DNAJC10: variants seen among roughly 807,000 people sequenced by gnomAD.
DNAJC10 encodes the protein DnaJ heat shock protein family (Hsp40) member C10, also known as endoplasmic reticulum disulfide reductase DNAJC10.
DNAJC10 carries 101 observed loss-of-function variants against 115.0 expected under a neutral mutation model. That is an observed-to-expected ratio of 0.88 (90% CI 0.75 to 1.04). The LOEUF (loss-of-function observed/expected upper bound fraction) is 1.04, where lower values mean the gene tolerates loss of function less well. DNAJC10 is among the 50% of genes least tolerant of loss of function. The pLI, the probability that DNAJC10 is intolerant of heterozygous loss-of-function variation, is 0.00. For synonymous variants in DNAJC10, 307 were observed against 301.5 expected (o/e 1.02, Z -0.19); for missense variants, 981 against 928.8 (o/e 1.06, Z -0.73).
At chr2:182,736,626 T>C (rs1693591148) in intron 11 of DNAJC10, among the ~76,000 whole-genome samples, 1 of 152,262 alleles carries the variant, frequency 6.6e-6, no homozygotes, top group East Asian at 1.9e-4. Context: ...ATTACATCTT[T>C]ACATTTAAAA....
intron 5 of DNAJC10, among the ~76,000 whole-genome samples, chr2:182,727,605 G>T (rs532834398): frequency 6.6e-6 from 1 of 152,156 alleles, no homozygotes; most frequent in Non-Finnish European, 1.5e-5. Context: ...TTTCCCACAG[G>T]TCTGTCTTAT....
rs1694968656 is a variant in DNAJC10, at chr2:182,787,476, T to G, written c.*10344T>G. The stretch of plus-strand genomic sequence containing the variant: ...AACCGTTCATTCATTATGACAAAAC[T>G]GCCTACCAAAGCCACAGACTTTAAG... On this transcript the variant is annotated 3_prime_UTR_variant, in exon 24 of 24. Coordinates refer to ENST00000264065, the MANE Select transcript of DNAJC10 (RefSeq NM_018981.4). 6.6e-6 allele frequency: 1 copy of G among 152,206 alleles called. No individual in the cohort carries two copies. Among genetic ancestry groups the G allele is most frequent in the Admixed American group, 6.6e-5 (1 of 15,266 alleles). 9.4% of individuals were successfully genotyped at this position (152,206 alleles called of 1,614,324 possible).
In DNAJC10 at chr2:182,722,058, T is replaced by C. The variant is rs1432595853; in HGVS notation, c.401T>C (p.Leu134Ser). The C allele has an allele frequency of 1.9e-6, 3 of 1,565,650 alleles. No individual in the cohort carries two copies. Among genetic ancestry groups the C allele is most frequent in the Non-Finnish European group, 2.6e-6 (3 of 1,152,478 alleles). ...GATGATGATCCTGAAATCATAACAT[T>C]GGAAAGAAGAGAATTTGGTAAGTTT... is the stretch of plus-strand genomic sequence containing the variant. Reference protein sequence around the residue: ...IYDDDPEIITLERREFDAAVN... With the variant: ...IYDDDPEIITSERREFDAAVN... Residue 134 changes from leucine to serine, a missense_variant, in exon 5 of 24, where the codon TTG becomes TCG. Transcript: ENST00000264065.
At chr2:182,769,233 C>T (rs1694497387) in intron 22 of DNAJC10, among the ~76,000 whole-genome samples, 1 of 152,094 alleles carries the variant, frequency 6.6e-6, no homozygotes, top group Non-Finnish European at 1.5e-5. Context: ...CATTGATGTA[C>T]TTTTGCGGTG....
intron 4 of DNAJC10, among the ~76,000 whole-genome samples, chr2:182,720,676 C>T (rs930436242): frequency 1.3e-5 from 2 of 151,706 alleles, no homozygotes; most frequent in African/African-American, 4.8e-5. Context: ...ACAAAATTCC[C>T]TAACAACACA....
chr2:182,773,299 A>G (rs1175458273), intron 22 of DNAJC10, among the ~76,000 whole-genome samples: 1 of 152,018 alleles, frequency 6.6e-6, no homozygotes, highest in Non-Finnish European at 1.5e-5. Flanking sequence ...TGGATCTGAC[A>G]ATTATGTGTC....
At chr2:182,765,220 G>A (rs1236334464) in intron 22 of DNAJC10, among the ~76,000 whole-genome samples, 2 of 152,012 alleles carry the variant, frequency 1.3e-5, no homozygotes, top group Non-Finnish European at 2.9e-5. Flanking sequence ...CTTATCATGT[G>A]CTATTATGGG....
At chr2:182,746,936 G>C (rs539257132) in intron 14 of DNAJC10, among the ~76,000 whole-genome samples, 2 of 151,644 alleles carry the variant, frequency 1.3e-5, no homozygotes, top group South Asian at 4.2e-4. Flanking sequence ...TCCAGTTTCA[G>C]CTTTCTACAT....
chr2:182,728,957 A>G lies in DNAJC10; in HGVS notation c.596A>G (p.Asn199Ser). 3 of 1,614,100 alleles carry G rather than the reference A, an allele frequency of 1.9e-6. No individual in the cohort carries two copies. The highest frequency in any genetic ancestry group is 2.5e-6 in the Non-Finnish European group (3 of 1,180,006). ...DRMLCRMKGVNSYPSLFIFRS... is the reference protein window; with the variant it reads ...DRMLCRMKGVSSYPSLFIFRS... ...ATGCTTTGCCGAATGAAAGGAGTCA[A>G]CAGCTATCCCAGCCTCTTCATTTTT... Residue 199 changes from asparagine to serine, a missense_variant, in exon 7 of 24, where the codon AAC (asparagine) becomes AGC (serine). Physicochemically the swap from Asn to Ser is conservative, Grantham distance 46. Transcript: ENST00000264065.
In DNAJC10 at chr2:182,718,276, C is replaced by T; in HGVS notation, c.190C>T (p.Pro64Ser). ...CAAGAAATTGGCATTGAAGTTACAT[C>T]CTGATAAAAACCCGGTAGGTAAACG... Reference protein sequence around the residue: ...AFKKLALKLHPDKNPNNPNAH... With the variant: ...AFKKLALKLHSDKNPNNPNAH... Residue 64 changes from proline (P) to serine (S), a missense_variant, in exon 3 of 24, where the codon CCT becomes TCT. Physicochemically the swap from Pro to Ser is moderately conservative, Grantham distance 74. Coordinates refer to ENST00000264065, the MANE Select transcript of DNAJC10 (RefSeq NM_018981.4). 6.2e-7 allele frequency: 1 copy of T among 1,602,202 alleles called. No individual in the cohort carries two copies. Among genetic ancestry groups the T allele is most frequent in the Non-Finnish European group, 8.5e-7 (1 of 1,176,126 alleles).
intron 14 of DNAJC10, among the ~76,000 whole-genome samples, chr2:182,750,687 A>G (rs531080110): frequency 3.5e-4 from 54 of 152,276 alleles, no homozygotes; most frequent in African/African-American, 9.4e-4. Flanking sequence ...CATCTGTACA[A>G]TGTGTTACAA....
chr2:182,719,020 A>T (rs1574913678), intron 3 of DNAJC10, among the ~76,000 whole-genome samples: 1 of 152,160 alleles, frequency 6.6e-6, no homozygotes, highest in East Asian at 1.9e-4. Context: ...TATTTCTTTA[A>T]ATATTGTTTA....
At chr2:182,751,092 A>G (rs1450275299) in intron 14 of DNAJC10, among the ~76,000 whole-genome samples, 2 of 139,334 alleles carry the variant, frequency 1.4e-5, no homozygotes, top group Non-Finnish European at 3.1e-5. Context: ...TCATTATTCT[A>G]CCTCTGAAGA....
chr2:182,729,767 A>C, intron 7 of DNAJC10, 81 bp from the exon 8 acceptor site: 1 of 881,266 alleles, frequency 1.1e-6, no homozygotes, highest in Admixed American at 2.5e-5. Flanking sequence ...ATAATGTAAA[A>C]ATCAAACTCT....
rs1439152713 is a variant in DNAJC10, at chr2:182,792,347, AT to A, written c.*15219del. On this transcript the variant is annotated 3_prime_UTR_variant, in exon 24 of 24. Transcript: ENST00000264065. ...TTTGAGGGTTGTGGAACAGGATAACATTTTGAGGTACAAAAAATAATGAAGA... is the reference window on the plus strand; with the variant it reads ...TTTGAGGGTTGTGGAACAGGATAACATTTGAGGTACAAAAAATAATGAAGA... 1 of 152,176 alleles carries A rather than the reference AT, an allele frequency of 6.6e-6. No individual in the cohort carries two copies. Among genetic ancestry groups the A allele is most frequent in the Non-Finnish European group, 1.5e-5 (1 of 68,022 alleles). 9.4% of individuals were successfully genotyped at this position (152,176 alleles called of 1,614,324 possible).
chr2:182,746,905 G>C (rs1196123606), intron 14 of DNAJC10, among the ~76,000 whole-genome samples: 1 of 151,700 alleles, frequency 6.6e-6, no homozygotes, highest in Non-Finnish European at 1.5e-5. Context: ...ATTAATTTTT[G>C]TATAAGGTGT....
At chr2:182,765,951 T>G (rs762530177) in intron 22 of DNAJC10, among the ~76,000 whole-genome samples, 1 of 152,188 alleles carries the variant, frequency 6.6e-6, no homozygotes, top group Non-Finnish European at 1.5e-5. Flanking sequence ...TTTTTTCTGG[T>G]CTGGGGGTAG....
intron 12 of DNAJC10, 91 bp from the exon 13 acceptor site, chr2:182,741,152 G>C (rs1456299527): frequency 2.6e-6 from 2 of 773,542 alleles, no homozygotes; most frequent in Admixed American, 6.0e-5. Flanking sequence ...ATGGGTAGGG[G>C]AGCTAAAACT....
rs201353295 is a variant in DNAJC10 at position 182,728,621 on chromosome 2, C to T, written c.464C>T (p.Ser155Phe). 6.2e-7 allele frequency: 1 copy of T among 1,612,774 alleles called. No homozygotes were observed. Among genetic ancestry groups the T allele is most frequent in the East Asian group, 2.2e-5 (1 of 44,816 alleles). ...SGELWFVNFY[S>F]PGCSHCHDLA... is the part of the protein sequence containing the mutation. ...GAACTGTGGTTTGTAAATTTTTACT[C>T]CCCAGGCTGTTCACACTGCCATGAT... Residue 155 changes from serine (S) to phenylalanine (F), a missense_variant, in exon 6 of 24, where the codon TCC (serine) becomes TTC (phenylalanine). Ser to Phe is a radical substitution (Grantham distance 155). Coordinates refer to ENST00000264065, the MANE Select transcript of DNAJC10 (RefSeq NM_018981.4).
Sources: gnomAD v4.1 joint callset for allele counts (sites outside exome capture counted in the v4.1 genomes callset) on GRCh38, gnomAD v4.1.1 for gene constraint, MANE v1.5 for transcripts, NCBI Gene and HGNC (gene_info 2026-07-23, HGNC 2026-07-21) for gene names.